NEDD9: variants seen among roughly 807,000 people sequenced by gnomAD.
NEDD9 encodes the protein neural precursor cell expressed, developmentally down-regulated 9.
NEDD9 carries 26 observed loss-of-function variants against 76.6 expected under a neutral mutation model. That is an observed-to-expected ratio of 0.34 (90% CI 0.25 to 0.47). The LOEUF (loss-of-function observed/expected upper bound fraction) is 0.47, where lower values mean the gene tolerates loss of function less well. NEDD9 is among the 20% of genes least tolerant of loss of function. The pLI is 1.00. For missense variants in NEDD9, 937 were observed against 1,058.5 expected (o/e 0.89, Z 1.59); for synonymous variants, 392 against 414.2 (o/e 0.95, Z 0.65).
chr6:11,212,168 C>T (rs1445796273), intron 2 of NEDD9, among the ~76,000 whole-genome samples: 1 of 152,216 alleles, frequency 6.6e-6, no homozygotes, highest in African/African-American at 2.4e-5. Context: ...GGTCAACAAG[C>T]TCTTTCTGGT....
chr6:11,380,103 T>A (rs1013264695), intron 1 of NEDD9, among the ~76,000 whole-genome samples: 1 of 152,160 alleles, frequency 6.6e-6, no homozygotes, highest in Non-Finnish European at 1.5e-5. Context: ...AGGAGGAGGA[T>A]CTTCCCCCAC....
At chr6:11,218,064 C>T (rs566238900) in intron 1 of NEDD9, among the ~76,000 whole-genome samples, 3 of 152,374 alleles carry the variant, frequency 2.0e-5, no homozygotes, top group Admixed American at 1.3e-4. Context: ...TTACGCTCTA[C>T]AGGAGGATGG....
At chr6:11,272,596 G>A (rs977206474) in intron 3 of NEDD9, among the ~76,000 whole-genome samples, 9 of 152,248 alleles carry the variant, frequency 5.9e-5, no homozygotes, top group South Asian at 4.2e-4. Context: ...GAAAATTCTC[G>A]TTTTGCACTA....
intron 1 of NEDD9, among the ~76,000 whole-genome samples, chr6:11,378,323 C>T (rs1473849849): frequency 1.3e-5 from 2 of 152,156 alleles, no homozygotes; most frequent in African/African-American, 2.4e-5. Flanking sequence ...ATGCTGGCTC[C>T]CCCTTCATCT....
At chr6:11,257,775 C>CTGTG (rs3067253) in intron 3 of NEDD9, among the ~76,000 whole-genome samples, 38,389 of 142,888 alleles carry the variant, frequency 0.27, 5,579 homozygotes, top group East Asian at 0.43. Flanking sequence ...AATGTAGATT[C>CTGTG]TGTGTGTGTG....
At chr6:11,356,282 C>A (rs1762573887) in intron 1 of NEDD9, among the ~76,000 whole-genome samples, 1 of 152,242 alleles carries the variant, frequency 6.6e-6, no homozygotes, top group East Asian at 1.9e-4. Flanking sequence ...CTAAGAGTCA[C>A]CTGGGAAGTC....
Position 11,185,069 on chromosome 6 carries a change from C to G in NEDD9, c.*93G>C. The G allele has an allele frequency of 4.4e-6, 6 of 1,365,386 alleles. No individual in the cohort carries two copies. The South Asian group carries it at 9.4e-5, about 21-fold the overall frequency. 84.6% of individuals were successfully genotyped at this position (1,365,386 alleles called of 1,614,324 possible). A position where few individuals can be genotyped will look rare whatever the true frequency, so the allele number is the denominator to read the frequency against. ...AATATTTCATTTTTATATAAAATAT[C>G]TACAAAAATAGATAACATTTACAAA... On this transcript the variant is annotated 3_prime_UTR_variant, in exon 7 of 7. Transcript: ENST00000379446.
intron 3 of NEDD9, among the ~76,000 whole-genome samples, chr6:11,287,331 G>C (rs1760671651): frequency 6.6e-6 from 1 of 152,142 alleles, no homozygotes; most frequent in South Asian, 2.1e-4. Flanking sequence ...AGGAGGCTGA[G>C]GCAGGAGAAT....
rs145222526 is a variant in NEDD9 at position 11,340,029 on chromosome 6, G to A, written c.-213-5468C>T. ...AGCTCTTTAAACATTAGTGATGGCCGCAAGTTCAGGTGACCTTCAGAATTC... is the reference window on the plus strand; with the variant it reads ...AGCTCTTTAAACATTAGTGATGGCCACAAGTTCAGGTGACCTTCAGAATTC... On this transcript the variant is annotated intron_variant, in intron 1 of 3. Transcript: ENST00000397378. 2.1e-3 allele frequency among the ~76,000 whole-genome samples: 317 copies of A among 152,270 alleles called. 2 individuals are homozygous for A. The highest frequency in any genetic ancestry group is 3.4e-3 in the Non-Finnish European group (234 of 68,032).
At chr6:11,371,888 A>G (rs1397063747) in intron 1 of NEDD9, among the ~76,000 whole-genome samples, 1 of 152,230 alleles carries the variant, frequency 6.6e-6, no homozygotes, top group Admixed American at 6.5e-5. Context: ...TATGGGTTAT[A>G]TGAGATGTTT....
chr6:11,289,508 A>G (rs937665715), intron 3 of NEDD9, among the ~76,000 whole-genome samples: 3 of 152,188 alleles, frequency 2.0e-5, no homozygotes, highest in African/African-American at 7.2e-5. Context: ...GCTGGAATGC[A>G]GTGGCGCGAT....
Position 11,225,872 on chromosome 6 carries a change from G to A in NEDD9, c.12+6632C>T, listed in dbSNP as rs144608289. On this transcript the variant is annotated intron_variant, in intron 1 of 6. Coordinates refer to ENST00000379446, the MANE Select transcript of NEDD9 (RefSeq NM_006403.4). ...TTGTGGGGCCCAGGAATATGTATTG[G>A]AAAACATTCCACTGGCAACTTTAAT... Among the ~76,000 whole-genome samples, 1,163 of 150,198 alleles carry A rather than the reference G, an allele frequency of 7.7e-3. 12 individuals carry two copies. Among genetic ancestry groups the A allele is most frequent in the Non-Finnish European group, 0.012 (817 of 67,762 alleles).
At chr6:11,280,244 C>A (rs904060809) in intron 3 of NEDD9, among the ~76,000 whole-genome samples, 1 of 152,210 alleles carries the variant, frequency 6.6e-6, no homozygotes, top group Non-Finnish European at 1.5e-5. Context: ...GAGACCTTAG[C>A]TTTCCAATTC....
intron 4 of NEDD9, 69 bp from the exon 5 acceptor site, chr6:11,191,274 C>T: frequency 1.3e-6 from 2 of 1,491,540 alleles, no homozygotes; most frequent in African/African-American, 1.4e-5. Context: ...GTCCCATGTG[C>T]TCAGTCCTAT....
At chr6:11,352,118 C>T (rs1440661616) in intron 1 of NEDD9, 1 of 152,258 alleles carries the variant, frequency 6.6e-6, no homozygotes, top group East Asian at 1.9e-4. Context: ...CTTTCATGGG[C>T]CACGTTCCCA....
intron 3 of NEDD9, among the ~76,000 whole-genome samples, chr6:11,268,797 A>C (rs981133599): frequency 6.6e-6 from 1 of 151,902 alleles, no homozygotes; most frequent in African/African-American, 2.4e-5. Context: ...AAAAGGGCTA[A>C]ATTTATATTT....
chr6:11,322,302 C>A (rs1761825815), intron 2 of NEDD9, among the ~76,000 whole-genome samples: 1 of 152,042 alleles, frequency 6.6e-6, no homozygotes, highest in Non-Finnish European at 1.5e-5. Context: ...GTGTAACAAA[C>A]CTGCACATTC....
At chr6:11,314,619 A>T (rs933729872) in intron 2 of NEDD9, among the ~76,000 whole-genome samples, 2 of 152,150 alleles carry the variant, frequency 1.3e-5, no homozygotes, top group African/African-American at 4.8e-5. Flanking sequence ...CTTGTGGACC[A>T]TCCAGTCTAT....
intron 3 of NEDD9, among the ~76,000 whole-genome samples, chr6:11,289,880 C>T (rs1760729034): frequency 6.6e-6 from 1 of 152,240 alleles, no homozygotes; most frequent in Non-Finnish European, 1.5e-5. Flanking sequence ...ATAAGAGAAA[C>T]AATATGCAGC....
Sources: gnomAD v4.1 joint callset for allele counts (sites outside exome capture counted in the v4.1 genomes callset) on GRCh38, gnomAD v4.1.1 for gene constraint, MANE v1.5 for transcripts, NCBI Gene and HGNC (gene_info 2026-07-23, HGNC 2026-07-21) for gene names.